Variants in EPHA6 observed in about 807,000 individuals in gnomAD.
EPHA6 encodes the protein ephrin type-A receptor 6.
Under a neutral mutation model 112.0 loss-of-function variants are expected in EPHA6, and 50 were observed. The observed-to-expected ratio is 0.45, with a 90% CI of 0.36 to 0.56. The LOEUF (loss-of-function observed/expected upper bound fraction) is 0.56, where lower values mean the gene tolerates loss of function less well. Ranked by LOEUF, EPHA6 falls within the 20% of genes least tolerant of loss-of-function variation. The probability of loss-of-function intolerance (pLI) is 0.00; values close to 1 mark genes in which losing one functional copy is unlikely to be tolerated. For missense variants in EPHA6, 1,280 were observed against 1,417.4 expected, an observed-to-expected ratio of 0.90 and a Z score of 1.56; for synonymous variants, 529 against 490.7, an observed-to-expected ratio of 1.08 and a Z score of -1.03.
intron 3 of EPHA6, among the ~76,000 whole-genome samples, chr3:97,224,354 A>C (rs1457012035): frequency 6.6e-6 from 1 of 152,212 alleles, no homozygotes; most frequent in African/African-American, 2.4e-5. Context: ...CCTATTCTAA[A>C]TATCTTAGGA....
intron 1 of EPHA6, among the ~76,000 whole-genome samples, chr3:96,860,073 C>T (rs1453537660): frequency 6.6e-6 from 1 of 151,990 alleles, no homozygotes; most frequent in Non-Finnish European, 1.5e-5. Context: ...CCTATAGCGT[C>T]CAATATATAG....
intron 16 of EPHA6, among the ~76,000 whole-genome samples, chr3:97,740,205 G>A (rs745969066): frequency 4.0e-5 from 6 of 151,824 alleles, no homozygotes; most frequent in African/African-American, 1.2e-4. Flanking sequence ...TTCAACCCTC[G>A]CCCCTGATTA....
intron 1 of EPHA6, among the ~76,000 whole-genome samples, chr3:96,826,346 G>C (rs948595900): frequency 1.1e-4 from 17 of 151,962 alleles, no homozygotes; most frequent in East Asian, 3.9e-4. Flanking sequence ...TTGTGATATA[G>C]ATCCCATTTT....
chr3:97,642,635 T>TGAA (rs1249151321), intron 14 of EPHA6, among the ~76,000 whole-genome samples: 1 of 151,958 alleles, frequency 6.6e-6, no homozygotes, highest in Non-Finnish European at 1.5e-5. Flanking sequence ...GAGAACTACG[T>TGAA]GAAGAATGCA....
chr3:97,131,531 G>A (rs937041725), intron 3 of EPHA6, among the ~76,000 whole-genome samples: 1 of 152,054 alleles, frequency 6.6e-6, no homozygotes, highest in African/African-American at 2.4e-5. Context: ...AAAAATCTGT[G>A]AATTTTTATT....
chr3:97,430,630 C>T (rs2089449233), intron 6 of EPHA6, among the ~76,000 whole-genome samples: 1 of 152,006 alleles, frequency 6.6e-6, no homozygotes, highest in Non-Finnish European at 1.5e-5. Flanking sequence ...TTTTCATTCA[C>T]AATAGTTAAA....
intron 1 of EPHA6, among the ~76,000 whole-genome samples, chr3:96,833,031 A>G (rs536761095): frequency 6.6e-6 from 1 of 151,788 alleles, no homozygotes; most frequent in East Asian, 1.9e-4. Flanking sequence ...GTTAAAGATT[A>G]TTAGTTACAG....
At chr3:97,511,812 ATAT>A (rs1448795338) in intron 10 of EPHA6, among the ~76,000 whole-genome samples, 4 of 152,204 alleles carry the variant, frequency 2.6e-5, no homozygotes, top group African/African-American at 9.6e-5. Context: ...GTTCAATGAT[ATAT>A]CCAACCTAAC....
chr3:97,609,850 A>C (rs2107454312), intron 12 of EPHA6, among the ~76,000 whole-genome samples: 1 of 151,680 alleles, frequency 6.6e-6, no homozygotes, highest in South Asian at 2.1e-4. Context: ...AATTCCAACA[A>C]GAAGTGAGAA....
intron 5 of EPHA6, among the ~76,000 whole-genome samples, chr3:97,342,720 T>C (rs2083370887): frequency 6.6e-6 from 1 of 152,168 alleles, no homozygotes; most frequent in Non-Finnish European, 1.5e-5. Context: ...TCTTTCTCTC[T>C]CTGTGTCCCT....
chr3:96,814,869 C>T lies in EPHA6; in HGVS notation c.246C>T (p.Phe82=), dbSNP rs757189521. ...ACACCTGCCTGCGCTGCCGCCACTT[C>T]TCTTTAAGGGAGAGGAAAAGAGAGC... ...TQNTCLRCRH[F]SLRERKREPR... Residue 82 remains phenylalanine, a synonymous_variant, in exon 1 of 18, where the codon TTC becomes TTT. Transcript: ENST00000389672. The T allele has an allele frequency of 2.0e-5, 31 of 1,558,750 alleles. No homozygotes were observed. The highest frequency in any genetic ancestry group is 2.4e-5 in the South Asian group (2 of 84,864).
rs1162172358 is a variant in EPHA6 at position 97,282,171 on chromosome 3, G to T, written c.1606+37884G>T. Among the ~76,000 whole-genome samples, 3 of 152,040 alleles carry T rather than the reference G, an allele frequency of 2.0e-5. No homozygotes were observed. In the East Asian group the frequency reaches 5.8e-4, roughly 29 times the overall value. ...TTTTTTTATCAAGCTTTTTACAATA[G>T]GAAAGACTGATGATGTCAGATAAAT... On this transcript the variant is annotated intron_variant, in intron 5 of 17. Transcript: ENST00000389672.
intron 5 of EPHA6, among the ~76,000 whole-genome samples, chr3:97,348,851 G>A (rs1279415771): frequency 1.3e-5 from 2 of 152,028 alleles, no homozygotes; most frequent in Non-Finnish European, 2.9e-5. Context: ...GCAACAGGGA[G>A]TAGTAATCAT....
chr3:97,112,821 C>T (rs1377678660), intron 3 of EPHA6, among the ~76,000 whole-genome samples: 1 of 152,074 alleles, frequency 6.6e-6, no homozygotes, highest in Non-Finnish European at 1.5e-5. Flanking sequence ...TACCATACAG[C>T]TAGTATCACT....
chr3:97,082,390 G>T (rs937236774), intron 3 of EPHA6, among the ~76,000 whole-genome samples: 3 of 151,776 alleles, frequency 2.0e-5, no homozygotes, highest in Non-Finnish European at 4.4e-5. Flanking sequence ...TATTATATAA[G>T]ATCAGAAATG....
intron 3 of EPHA6, among the ~76,000 whole-genome samples, chr3:97,041,703 G>A (rs1425616851): frequency 1.3e-5 from 2 of 152,018 alleles, no homozygotes; most frequent in Non-Finnish European, 2.9e-5. Context: ...AAGCATAGCT[G>A]GGAGGCCTTA....
At chr3:97,039,532 A>G (rs1056868515) in intron 3 of EPHA6, among the ~76,000 whole-genome samples, 1 of 152,050 alleles carries the variant, frequency 6.6e-6, no homozygotes, top group African/African-American at 2.4e-5. Context: ...GGAATAGATT[A>G]TGAGAGTCAT....
chr3:96,837,277 T>A (rs1284203627), intron 1 of EPHA6, among the ~76,000 whole-genome samples: 1 of 152,114 alleles, frequency 6.6e-6, no homozygotes, highest in Non-Finnish European at 1.5e-5. Flanking sequence ...GTGTGGTAAT[T>A]GCTCTCTGGT....
chr3:97,703,648 A>G (rs908297857), intron 14 of EPHA6, among the ~76,000 whole-genome samples: 22 of 152,202 alleles, frequency 1.4e-4, no homozygotes, highest in African/African-American at 5.3e-4. Flanking sequence ...AAACCACCTT[A>G]TCAAAAGCAC....
Sources: gnomAD v4.1 joint callset for allele counts (sites outside exome capture counted in the v4.1 genomes callset) on GRCh38, gnomAD v4.1.1 for gene constraint, MANE v1.5 for transcripts, NCBI Gene and HGNC (gene_info 2026-07-23, HGNC 2026-07-21) for gene names.